The following CNTNAP2 variants were observed in gnomAD, a reference collection of about 807,000 sequenced individuals.
The protein encoded by CNTNAP2 is contactin-associated protein-like 2.
In CNTNAP2, 98 loss-of-function variants were observed where a neutral mutation model predicts 155.2. The ratio of observed to expected loss-of-function variants is 0.63; its 90% confidence interval spans 0.54 to 0.75. CNTNAP2 has a LOEUF of 0.75. Ranked by LOEUF, CNTNAP2 falls within the 30% of genes least tolerant of loss-of-function variation. CNTNAP2 has a pLI of 0.00. For synonymous variants in CNTNAP2, 651 were observed against 631.2 expected, an observed-to-expected ratio of 1.03 and a Z score of -0.47; for missense variants, 1,727 against 1,688.1, an observed-to-expected ratio of 1.02 and a Z score of -0.40.
chr7:148,166,389 T>C (rs866251092), intron 17 of CNTNAP2, among the ~76,000 whole-genome samples: 2 of 152,170 alleles, frequency 1.3e-5, no homozygotes, highest in African/African-American at 4.8e-5. Context: ...TGGGCTTTAG[T>C]GTGATTCCTT....
At chr7:146,940,727 G>A (rs1563012835) in intron 3 of CNTNAP2, among the ~76,000 whole-genome samples, 2 of 151,082 alleles carry the variant, frequency 1.3e-5, no homozygotes, top group Admixed American at 6.6e-5. Context: ...AATATGGTGT[G>A]TATATATATA....
At position 147,790,523 on chromosome 7, in the gene CNTNAP2, G is replaced by A. The variant is rs990401318; in HGVS notation, c.2099-113042G>A. Among the ~76,000 whole-genome samples, 7 of 152,112 alleles carry A rather than the reference G, an allele frequency of 4.6e-5. 1 individual carries two copies. Among genetic ancestry groups the A allele is most frequent in the South Asian group, 4.1e-4 (2 of 4,824 alleles). Reference sequence around the variant, plus strand: ...ACCTGATTTATTGTAATAACCCTACGTTCTCTACGCTACTCTATCCCCAAA... The same window carrying A: ...ACCTGATTTATTGTAATAACCCTACATTCTCTACGCTACTCTATCCCCAAA... On this transcript the variant is annotated intron_variant, in intron 13 of 23. Coordinates refer to ENST00000361727, the MANE Select transcript of CNTNAP2 (RefSeq NM_014141.6).
chr7:146,467,192 A>G (rs546767151), intron 1 of CNTNAP2, among the ~76,000 whole-genome samples: 5 of 152,278 alleles, frequency 3.3e-5, no homozygotes, highest in Non-Finnish European at 5.9e-5. Context: ...GTTTTCAAGT[A>G]TATTACCACT....
At chr7:147,706,286 A>G (rs1433189328) in intron 13 of CNTNAP2, among the ~76,000 whole-genome samples, 2 of 150,284 alleles carry the variant, frequency 1.3e-5, no homozygotes, top group Non-Finnish European at 2.9e-5. Context: ...TTCCAGGTGT[A>G]GGACTCCCTT....
At chr7:148,329,709 G>T (rs1013475221) in intron 21 of CNTNAP2, among the ~76,000 whole-genome samples, 1 of 152,230 alleles carries the variant, frequency 6.6e-6, no homozygotes, top group Non-Finnish European at 1.5e-5. Context: ...GTGACAGTCA[G>T]TGCTGGGATC....
intron 21 of CNTNAP2, among the ~76,000 whole-genome samples, chr7:148,359,077 A>G (rs140657927): frequency 6.6e-6 from 1 of 152,334 alleles, no homozygotes; most frequent in East Asian, 1.9e-4. Flanking sequence ...CTGTTTAACT[A>G]CCTGTAGATA....
intron 3 of CNTNAP2, among the ~76,000 whole-genome samples, chr7:146,929,129 G>A (rs990153016): frequency 2.0e-5 from 3 of 152,220 alleles, no homozygotes; most frequent in Non-Finnish European, 2.9e-5. Context: ...TGGGCAGACT[G>A]CCTCCTCAAG....
chr7:147,427,977 T>G (rs1016759859), intron 10 of CNTNAP2, among the ~76,000 whole-genome samples: 1 of 152,184 alleles, frequency 6.6e-6, no homozygotes, highest in Non-Finnish European at 1.5e-5. Flanking sequence ...TTTTAAATTT[T>G]AGGTTTCAGT....
At chr7:146,868,436 A>C (rs1795245063) in intron 3 of CNTNAP2, among the ~76,000 whole-genome samples, 1 of 152,134 alleles carries the variant, frequency 6.6e-6, no homozygotes, top group South Asian at 2.1e-4. Flanking sequence ...AGTATAGTTT[A>C]AAGTTGGGCA....
intron 14 of CNTNAP2, among the ~76,000 whole-genome samples, chr7:147,939,755 A>G (rs899906594): frequency 2.0e-5 from 3 of 152,152 alleles, no homozygotes; most frequent in Admixed American, 6.5e-5. Flanking sequence ...TGATCAAAAG[A>G]AAAGGCAAGT....
chr7:147,020,058 T>C (rs1434000392), intron 3 of CNTNAP2, among the ~76,000 whole-genome samples: 1 of 152,110 alleles, frequency 6.6e-6, no homozygotes, highest in Non-Finnish European at 1.5e-5. Flanking sequence ...TATAGTACAG[T>C]ATATTAGTAT....
rs541322774 is a variant in CNTNAP2, at chr7:147,172,848, A to G, written c.1348+40339A>G. ...ACTCCCACTCCTAGTCTTGACTACAAGGGCAGGTGAGATAATATCTGCATT... is the reference window on the plus strand; with the variant it reads ...ACTCCCACTCCTAGTCTTGACTACAGGGGCAGGTGAGATAATATCTGCATT... On this transcript the variant is annotated intron_variant, in intron 8 of 23. Coordinates refer to ENST00000361727, the MANE Select transcript of CNTNAP2 (RefSeq NM_014141.6). Among the ~76,000 whole-genome samples the G allele has an allele frequency of 9.8e-5, 15 of 152,302 alleles. 1 individual carries two copies. Among genetic ancestry groups the G allele is most frequent in the African/African-American group, 3.1e-4 (13 of 41,554 alleles).
At chr7:147,913,788 G>A (rs186534382) in intron 14 of CNTNAP2, among the ~76,000 whole-genome samples, 93 of 152,240 alleles carry the variant, frequency 6.1e-4, no homozygotes, top group African/African-American at 2.0e-3. Context: ...TGAAAAGAGC[G>A]TGTCTCCAGA....
chr7:146,151,146 T>C (rs993948873), intron 1 of CNTNAP2, among the ~76,000 whole-genome samples: 1 of 152,078 alleles, frequency 6.6e-6, no homozygotes, highest in Non-Finnish European at 1.5e-5. Flanking sequence ...ACCACCCCCA[T>C]AATCCAGTCA....
At chr7:147,327,131 G>GT (rs11402958) in intron 9 of CNTNAP2, among the ~76,000 whole-genome samples, 29,996 of 152,140 alleles carry the variant, frequency 0.2, 3,219 homozygotes, top group East Asian at 0.37. Flanking sequence ...GGCTTGTTAG[G>GT]TTTTTCTACT....
chr7:146,407,106 A>G (rs1795803336), intron 1 of CNTNAP2, among the ~76,000 whole-genome samples: 1 of 152,208 alleles, frequency 6.6e-6, no homozygotes, highest in Non-Finnish European at 1.5e-5. Flanking sequence ...AAGGCTATAG[A>G]AAGAAGCAAC....
intron 21 of CNTNAP2, among the ~76,000 whole-genome samples, chr7:148,341,174 C>A (rs188506524): frequency 1.3e-5 from 2 of 152,312 alleles, no homozygotes; most frequent in East Asian, 3.9e-4. Context: ...GTTCTTTCCG[C>A]TTCTACTGTA....
intron 15 of CNTNAP2, among the ~76,000 whole-genome samples, chr7:148,065,410 T>C (rs960461188): frequency 3.9e-5 from 6 of 152,118 alleles, no homozygotes; most frequent in Non-Finnish European, 8.8e-5. Flanking sequence ...TATTGTTGTG[T>C]TGTTGTCTAT....
chr7:146,658,459 T>C (rs1263045895), intron 1 of CNTNAP2, among the ~76,000 whole-genome samples: 1 of 152,084 alleles, frequency 6.6e-6, no homozygotes, highest in Non-Finnish European at 1.5e-5. Flanking sequence ...ATCCTTTTCA[T>C]TTTGAAGTTT....
Sources: allele counts gnomAD v4.1 joint callset (sites outside exome capture counted in the v4.1 genomes callset), GRCh38; gene constraint gnomAD v4.1.1; transcripts MANE v1.5; gene names NCBI Gene and HGNC (gene_info 2026-07-23, HGNC 2026-07-21).